Variants in LYPD6 observed in about 807,000 individuals in gnomAD.
LYPD6 encodes LY6/PLAUR domain containing 6, also known as ly6/PLAUR domain-containing protein 6.
In LYPD6, 15 loss-of-function variants were observed where a neutral mutation model predicts 22.7. That is an observed-to-expected ratio of 0.66 (90% CI 0.44 to 1.02). The LOEUF is 1.02. Among genes scored for constraint, LYPD6 ranks in the 50% least tolerant of loss-of-function variants. The probability of loss-of-function intolerance (pLI) is 0.00; values close to 1 mark genes in which losing one functional copy is unlikely to be tolerated. For synonymous variants in LYPD6, 72 were observed against 77.5 expected (o/e 0.93, Z 0.37); for missense variants, 189 against 208.4 (o/e 0.91, Z 0.57).
chr2:149,353,786 A>G (rs999870431), intron 1 of LYPD6, among the ~76,000 whole-genome samples: 3 of 151,980 alleles, frequency 2.0e-5, no homozygotes, highest in Non-Finnish European at 4.4e-5. Flanking sequence ...AAAAAATTCC[A>G]CCTTGAAACC....
intron 1 of LYPD6, among the ~76,000 whole-genome samples, chr2:149,356,653 A>C (rs983411860): frequency 6.6e-5 from 10 of 152,164 alleles, no homozygotes; most frequent in African/African-American, 2.2e-4. Flanking sequence ...AGTACCCCTC[A>C]TTTACTTTTT....
chr2:149,449,196 A>G, intron 3 of LYPD6, 49 bp downstream of exon 3: 2 of 1,279,318 alleles, frequency 1.6e-6, no homozygotes, highest in Non-Finnish European at 2.2e-6. Flanking sequence ...TCCGTGAGTG[A>G]ACAGCCCTTT....
chr2:149,446,093 GGA>G lies in LYPD6; in HGVS notation c.119-2943_119-2942del, dbSNP rs201037726. The stretch of plus-strand genomic sequence containing the variant: ...ATATGGAGGTCTGGGGCAGGGAAAG[GGA>G]GAGAGAGAGAGATGGAAGAATAGCA... On this transcript the variant is annotated intron_variant, in intron 2 of 4. Transcript: ENST00000334166. Among the ~76,000 whole-genome samples the G allele has an allele frequency of 1.1e-4, 17 of 151,944 alleles. No individual in the cohort carries two copies. The East Asian group carries it at 2.9e-3, about 26-fold the overall frequency.
At chr2:149,444,670 T>C (rs1257187500) in intron 2 of LYPD6, among the ~76,000 whole-genome samples, 1 of 152,172 alleles carries the variant, frequency 6.6e-6, no homozygotes, top group South Asian at 2.1e-4. Context: ...TTTTTGCTCG[T>C]TCATAAGAAG....
chr2:149,406,629 T>A (rs1682716095), intron 1 of LYPD6, among the ~76,000 whole-genome samples: 1 of 152,256 alleles, frequency 6.6e-6, no homozygotes, highest in Non-Finnish European at 1.5e-5. Context: ...TGTGTGTCTC[T>A]GCACGTGAGA....
At chr2:149,404,784 G>C (rs1250268288) in intron 1 of LYPD6, among the ~76,000 whole-genome samples, 1 of 152,166 alleles carries the variant, frequency 6.6e-6, no homozygotes, top group Admixed American at 6.5e-5. Context: ...AATAGGAGTG[G>C]TGAGAGAGGG....
intron 1 of LYPD6, among the ~76,000 whole-genome samples, chr2:149,424,689 G>A (rs1276678211): frequency 2.0e-5 from 3 of 152,202 alleles, no homozygotes; most frequent in Non-Finnish European, 4.4e-5. Flanking sequence ...AACCAAGGAT[G>A]ACAGCAGGAG....
intron 1 of LYPD6, among the ~76,000 whole-genome samples, chr2:149,335,557 A>T (rs1681019200): frequency 6.6e-6 from 1 of 152,162 alleles, no homozygotes; most frequent in South Asian, 2.1e-4. Context: ...AGAAAGAAAA[A>T]ATGTTAAAGT....
At chr2:149,381,975 T>C (rs1482314069) in intron 1 of LYPD6, among the ~76,000 whole-genome samples, 1 of 152,182 alleles carries the variant, frequency 6.6e-6, no homozygotes, top group Non-Finnish European at 1.5e-5. Flanking sequence ...GTTTTATTGC[T>C]CTGAATAGTC....
At chr2:149,349,955 T>C (rs928254374) in intron 1 of LYPD6, among the ~76,000 whole-genome samples, 2 of 151,870 alleles carry the variant, frequency 1.3e-5, no homozygotes, top group African/African-American at 4.8e-5. Flanking sequence ...GAAAAAAAAA[T>C]ATATATGCTA....
intron 1 of LYPD6, among the ~76,000 whole-genome samples, chr2:149,401,866 C>G (rs370203832): frequency 1.1e-4 from 17 of 152,174 alleles, no homozygotes; most frequent in African/African-American, 3.9e-4. Context: ...TGCCACCCCC[C>G]ACCCCTTCCC....
intron 1 of LYPD6, among the ~76,000 whole-genome samples, chr2:149,421,468 A>G (rs1324314593): frequency 6.6e-6 from 1 of 151,834 alleles, no homozygotes; most frequent in Non-Finnish European, 1.5e-5. Flanking sequence ...GAGTAATAAT[A>G]ATTACCCCTA....
chr2:149,460,342 AC>A (rs1681060592), intron 3 of LYPD6, among the ~76,000 whole-genome samples: 1 of 94,310 alleles, frequency 1.1e-5, no homozygotes. Flanking sequence ...TAGTAGGGAA[AC>A]ATTAATCAAA....
intron 1 of LYPD6, among the ~76,000 whole-genome samples, chr2:149,435,066 C>T (rs540637283): frequency 2.0e-5 from 3 of 152,264 alleles, no homozygotes; most frequent in African/African-American, 7.2e-5. Flanking sequence ...GGCCATAAAG[C>T]TGAGACCCTA....
At chr2:149,419,237 C>G (rs768628133) in intron 1 of LYPD6, among the ~76,000 whole-genome samples, 1 of 152,154 alleles carries the variant, frequency 6.6e-6, no homozygotes, top group Admixed American at 6.5e-5. Flanking sequence ...TTTTACTGGG[C>G]TCTAATGATC....
chr2:149,357,299 T>G (rs1389146922), intron 1 of LYPD6, among the ~76,000 whole-genome samples: 2 of 152,210 alleles, frequency 1.3e-5, no homozygotes, highest in African/African-American at 4.8e-5. Flanking sequence ...AGCAAGCACT[T>G]TTTGCAGGAA....
At chr2:149,441,423 C>T (rs183863913) in intron 2 of LYPD6, among the ~76,000 whole-genome samples, 3 of 152,260 alleles carry the variant, frequency 2.0e-5, no homozygotes, top group African/African-American at 2.4e-5. Context: ...CTCCTCATTC[C>T]GATGCCCAGA....
intron 2 of LYPD6, among the ~76,000 whole-genome samples, chr2:149,443,357 T>G (rs1683610508): frequency 6.6e-6 from 1 of 152,228 alleles, no homozygotes; most frequent in South Asian, 2.1e-4. Context: ...CTGGCTGCAG[T>G]GACAGACAGA....
rs529399421 is a variant in LYPD6, at chr2:149,389,431, A to C, written c.-71-48207A>C. 1.4e-4 allele frequency among the ~76,000 whole-genome samples: 21 copies of C among 152,326 alleles called. No individual in the cohort carries two copies. In the South Asian group the frequency reaches 4.3e-3, roughly 32 times the overall value. The stretch of plus-strand genomic sequence containing the variant: ...CACAGCTAGGCATGGAACTGGTTTC[A>C]GGGAGAATGACCAAGTTAGGCATTT... On this transcript the variant is annotated intron_variant, in intron 1 of 4. Transcript: ENST00000334166.
Sources: gnomAD v4.1 joint callset for allele counts (sites outside exome capture counted in the v4.1 genomes callset) on GRCh38, gnomAD v4.1.1 for gene constraint, MANE v1.5 for transcripts, NCBI Gene and HGNC (gene_info 2026-07-23, HGNC 2026-07-21) for gene names.